Variants in ANO4 observed in about 807,000 individuals in gnomAD.
ANO4 encodes anoctamin-4.
Under a neutral mutation model 141.9 loss-of-function variants are expected in ANO4, and 69 were observed. The ratio of observed to expected loss-of-function variants is 0.49; its 90% CI spans 0.40 to 0.59. The LOEUF is 0.59. ANO4 is among the 20% of genes least tolerant of loss of function. The pLI is 0.00. For missense variants in ANO4, 894 were observed against 1,162.2 expected, an observed-to-expected ratio of 0.77 and a Z score of 3.36; for synonymous variants, 350 against 394.3, an observed-to-expected ratio of 0.89 and a Z score of 1.33.
chr12:100,903,612 G>A lies in ANO4; in HGVS notation c.55+1772G>A, dbSNP rs143409594. On this transcript the variant is annotated intron_variant, in intron 2 of 27. Coordinates refer to ENST00000392977, the MANE Select transcript of ANO4 (RefSeq NM_001286615.2). ...AAACCAGTAGAAAGTATGTACTAGA[G>A]ACTAATTACAAAGAATTGGCTTTCA... Among the ~76,000 whole-genome samples the A allele has an allele frequency of 2.1e-3, 321 of 152,292 alleles. 2 individuals carry two copies. The highest frequency in any genetic ancestry group is 7.2e-3 in the African/African-American group (301 of 41,562).
intron 8 of ANO4, among the ~76,000 whole-genome samples, chr12:100,989,946 T>G (rs941096794): frequency 6.8e-6 from 1 of 147,280 alleles, no homozygotes; most frequent in Non-Finnish European, 1.5e-5. Context: ...ACTGAATGAA[T>G]GGATGGGTAT....
At chr12:100,975,841 A>C (rs1236459646) in intron 7 of ANO4, among the ~76,000 whole-genome samples, 2 of 147,182 alleles carry the variant, frequency 1.4e-5, no homozygotes, top group African/African-American at 5.0e-5. Flanking sequence ...TGACTTCATG[A>C]GTGGGGTCCT....
At chr12:100,860,413 A>G (rs1021408381) in intron 1 of ANO4, among the ~76,000 whole-genome samples, 4 of 152,168 alleles carry the variant, frequency 2.6e-5, no homozygotes, top group African/African-American at 9.6e-5. Context: ...TCCTTGGTCC[A>G]GTGAAAGCTT....
chr12:100,947,427 C>T (rs900954303), intron 5 of ANO4, among the ~76,000 whole-genome samples: 1 of 152,182 alleles, frequency 6.6e-6, no homozygotes, highest in African/African-American at 2.4e-5. Context: ...TAAGGCCAAC[C>T]CTTCACTTTG....
intron 1 of ANO4, among the ~76,000 whole-genome samples, chr12:100,727,608 T>G (rs540059365): frequency 1.3e-5 from 2 of 152,276 alleles, no homozygotes; most frequent in East Asian, 3.9e-4. Flanking sequence ...TTTTGGTTGT[T>G]GTTTTTAGAA....
chr12:100,830,506 C>T (rs569268187), intron 1 of ANO4, among the ~76,000 whole-genome samples: 50 of 152,030 alleles, frequency 3.3e-4, no homozygotes, highest in South Asian at 1.2e-3. Flanking sequence ...TTACCTTATC[C>T]CAACATGCCT....
chr12:101,016,394 A>T lies in ANO4; in HGVS notation c.735-3640A>T, dbSNP rs536784011. On this transcript the variant is annotated intron_variant, in intron 8 of 27. Coordinates refer to ENST00000392977, the MANE Select transcript of ANO4 (RefSeq NM_001286615.2). ...TTTTAAACAACCAGCTCTTACATAA[A>T]CTACCAGAGTGAGAACTCACTCATT... 3.3e-5 allele frequency among the ~76,000 whole-genome samples: 5 copies of T among 152,194 alleles called. No individual in the cohort carries two copies. In the South Asian group the frequency reaches 8.3e-4, roughly 25 times the overall value.
intron 3 of ANO4, among the ~76,000 whole-genome samples, chr12:100,778,074 C>T (rs909608378): frequency 4.6e-5 from 7 of 152,010 alleles, no homozygotes; most frequent in Admixed American, 3.9e-4. Flanking sequence ...CACCCGCCAC[C>T]ATGCCCGGCT....
chr12:100,999,427 G>A (rs1184632370), intron 8 of ANO4, among the ~76,000 whole-genome samples: 2 of 151,996 alleles, frequency 1.3e-5, no homozygotes, highest in Non-Finnish European at 2.9e-5. Flanking sequence ...CCATTTTTAG[G>A]GACCCTTGTG....
chr12:100,856,827 A>G (rs1219707500), intron 1 of ANO4, among the ~76,000 whole-genome samples: 2 of 152,018 alleles, frequency 1.3e-5, no homozygotes, highest in Non-Finnish European at 2.9e-5. Flanking sequence ...CCAGGGCTAG[A>G]TGGTGTTTGC....
In ANO4 at chr12:100,938,696, C is replaced by T. The variant is rs140213987; in HGVS notation, c.161-619C>T. Among the ~76,000 whole-genome samples, 99 of 152,226 alleles carry T rather than the reference C, an allele frequency of 6.5e-4. 1 individual carries two copies. Among genetic ancestry groups the T allele is most frequent in the African/African-American group, 2.3e-3 (97 of 41,558 alleles). Reference sequence around the variant, plus strand: ...ACTTTATATATTGACATGTTATTAACGTCAACAGTCTTTTGAGAGAGCTTC... The same window carrying T: ...ACTTTATATATTGACATGTTATTAATGTCAACAGTCTTTTGAGAGAGCTTC... On this transcript the variant is annotated intron_variant, in intron 3 of 27. Coordinates refer to ENST00000392977, the MANE Select transcript of ANO4 (RefSeq NM_001286615.2).
intron 3 of ANO4, among the ~76,000 whole-genome samples, chr12:100,755,054 AC>A (rs2032549919): frequency 6.6e-6 from 1 of 152,196 alleles, no homozygotes; most frequent in South Asian, 2.1e-4. Context: ...GCATTTTATC[AC>A]AATAAAATAA....
At chr12:100,943,051 AG>A (rs2042580932) in intron 5 of ANO4, among the ~76,000 whole-genome samples, 1 of 152,204 alleles carries the variant, frequency 6.6e-6, no homozygotes, top group African/African-American at 2.4e-5. Flanking sequence ...CAGGTCCCCA[AG>A]CTCAAGAGTG....
intron 9 of ANO4, 145 bp downstream of exon 9, chr12:101,020,285 A>C (rs1242978500): frequency 3.3e-6 from 2 of 612,634 alleles, no homozygotes; most frequent in African/African-American, 3.7e-5. Flanking sequence ...ATAATTCACA[A>C]GTGTAAAATC....
At chr12:101,065,103 G>T (rs1165501611) in intron 14 of ANO4, among the ~76,000 whole-genome samples, 1 of 152,088 alleles carries the variant, frequency 6.6e-6, no homozygotes, top group Non-Finnish European at 1.5e-5. Context: ...AAGTGAAAAG[G>T]TGAAAGTTCT....
intron 13 of ANO4, among the ~76,000 whole-genome samples, chr12:101,045,194 G>C (rs895404707): frequency 8.5e-5 from 13 of 152,202 alleles, no homozygotes; most frequent in Admixed American, 6.5e-4. Context: ...ATAATAGCTA[G>C]ACAATCTACA....
chr12:100,962,142 G>A (rs1333909506), intron 5 of ANO4, among the ~76,000 whole-genome samples: 5 of 152,132 alleles, frequency 3.3e-5, no homozygotes, highest in Non-Finnish European at 7.4e-5. Context: ...CATAAATTTA[G>A]CCACATTGAA....
chr12:101,096,556 G>A lies in ANO4; in HGVS notation c.1759G>A (p.Glu587Lys). The A allele has an allele frequency of 6.2e-7, 1 of 1,613,548 alleles. No individual in the cohort carries two copies. Among genetic ancestry groups the A allele is most frequent in the Non-Finnish European group, 8.5e-7 (1 of 1,179,620 alleles). ...TNLEQPRTES[E>K]WENSFTLKMF... ...CACAGAACAGCCTCGCACAGAGTCT[G>A]AGTGGGAGAACAGCTTCACCCTGAA... is the stretch of plus-strand genomic sequence containing the variant. The change falls in exon 19 of 28, where the codon GAG becomes AAG. Residue 587 changes from glutamate (E) to lysine (K), a missense_variant. By Grantham distance (56) the Glu-to-Lys change is moderately conservative. Coordinates refer to ENST00000392977, the MANE Select transcript of ANO4 (RefSeq NM_001286615.2).
intron 1 of ANO4, among the ~76,000 whole-genome samples, chr12:100,834,768 T>G (rs2036815861): frequency 6.6e-6 from 1 of 151,942 alleles, no homozygotes; most frequent in South Asian, 2.1e-4. Flanking sequence ...TTTTAAAAAG[T>G]GATTGGAGAA....
Sources: gnomAD v4.1 joint callset for allele counts (sites outside exome capture counted in the v4.1 genomes callset) on GRCh38, gnomAD v4.1.1 for gene constraint, MANE v1.5 for transcripts, NCBI Gene and HGNC (gene_info 2026-07-23, HGNC 2026-07-21) for gene names.